The following TBC1D1 variants were observed in gnomAD, a reference collection of about 807,000 sequenced individuals.
The protein encoded by TBC1D1 is TBC1 (tre-2/USP6, BUB2, cdc16) domain family, member 1.
Under a neutral mutation model 125.6 loss-of-function variants are expected in TBC1D1, and 89 were observed. The observed-to-expected ratio is 0.71, with a 90% confidence interval of 0.60 to 0.85. TBC1D1 has a LOEUF of 0.85. Ranked by LOEUF, TBC1D1 falls within the 40% of genes least tolerant of loss-of-function variation. TBC1D1 has a pLI of 0.00. For missense variants in TBC1D1, 1,377 were observed against 1,469.2 expected (o/e 0.94, Z 1.03); for synonymous variants, 565 against 564.1 (o/e 1.00, Z -0.02).
intron 2 of TBC1D1, among the ~76,000 whole-genome samples, chr4:37,910,033 T>A (rs909582605): frequency 1.3e-5 from 2 of 152,204 alleles, no homozygotes; most frequent in South Asian, 4.1e-4. Flanking sequence ...ATTACCTAAT[T>A]TATTTTTGAC....
rs1278147282 is a variant in TBC1D1 at position 38,119,979 on chromosome 4, A to G, written c.2962+1787A>G. 5 of 985,288 alleles carry G rather than the reference A, an allele frequency of 5.1e-6. No homozygotes were observed. In the East Asian group the frequency reaches 4.5e-4, roughly 89 times the overall value. The allele number at this position is 985,288 out of a possible 1,614,324, so 61.0% of individuals were successfully genotyped here. A position where few individuals can be genotyped will look rare whatever the true frequency, so the allele number is the denominator to read the frequency against. On this transcript the variant is annotated intron_variant, in intron 17 of 19. Coordinates refer to ENST00000261439, the MANE Select transcript of TBC1D1 (RefSeq NM_015173.4). ...GAGAAATTTTTCCTTCGGCTCATAA[A>G]TGGGTAAAAAGACGTTAACAAACAA...
chr4:38,097,231 C>T (rs1759502118), intron 14 of TBC1D1, among the ~76,000 whole-genome samples: 1 of 152,130 alleles, frequency 6.6e-6, no homozygotes, highest in Admixed American at 6.5e-5. Context: ...GGCGCGATCT[C>T]AGCTCACTGC....
chr4:37,989,391 A>C (rs1736094454), intron 2 of TBC1D1, among the ~76,000 whole-genome samples: 1 of 152,166 alleles, frequency 6.6e-6, no homozygotes, highest in Non-Finnish European at 1.5e-5. Flanking sequence ...ACCTTTCCAG[A>C]CCAAACCAAT....
rs931579443 is a variant in TBC1D1 at position 38,062,234 on chromosome 4, C to T, written c.2050+7896C>T. On this transcript the variant is annotated intron_variant, in intron 12 of 19. Coordinates refer to ENST00000261439, the MANE Select transcript of TBC1D1 (RefSeq NM_015173.4). ...GTGTTGCTCCCCGCATCTTGATTGC[C>T]CTTGTTTCTTTCCAATCCCGGAAAA... 2.6e-5 allele frequency among the ~76,000 whole-genome samples: 4 copies of T among 151,694 alleles called. No homozygotes were observed. In the East Asian group the frequency reaches 5.8e-4, roughly 22 times the overall value.
intron 2 of TBC1D1, among the ~76,000 whole-genome samples, chr4:37,961,675 A>AGCT: frequency 6.6e-6 from 1 of 152,146 alleles, no homozygotes; most frequent in Admixed American, 6.5e-5. Context: ...CTAGGCCAGG[A>AGCT]GCTGCTATTC....
chr4:38,114,218 A>G (rs1051884165), intron 15 of TBC1D1, among the ~76,000 whole-genome samples: 10 of 152,178 alleles, frequency 6.6e-5, no homozygotes, highest in African/African-American at 2.4e-4. Context: ...TTCTTTGAGC[A>G]CTGGGGAGCT....
chr4:37,944,880 C>T (rs553454292), intron 2 of TBC1D1, among the ~76,000 whole-genome samples: 7 of 152,292 alleles, frequency 4.6e-5, no homozygotes, highest in East Asian at 3.9e-4. Flanking sequence ...GAGATGAACC[C>T]GGTACCTCAT....
At chr4:38,125,209 C>T in intron 18 of TBC1D1, 78 bp downstream of exon 20, 3 of 1,407,544 alleles carry the variant, frequency 2.1e-6, no homozygotes, top group Non-Finnish European at 3.0e-6. Context: ...TGAGCAGGAA[C>T]TGTTTCCTAC....
At chr4:37,991,754 T>G (rs75973053) in intron 2 of TBC1D1, among the ~76,000 whole-genome samples, 6,915 of 152,104 alleles carry the variant, frequency 0.045, 231 homozygotes, top group African/African-American at 0.088. Context: ...AAAAAACCAG[T>G]CCTTACTGGG....
In TBC1D1 at chr4:38,058,141, G is replaced by A. The variant is rs540416193; in HGVS notation, c.2050+3803G>A. 7.9e-5 allele frequency among the ~76,000 whole-genome samples: 12 copies of A among 152,188 alleles called. No homozygotes were observed. The South Asian group carries it at 8.3e-4, about 11-fold the overall frequency. ...TCCTCCGCCCCCTTCCATCCTGACC[G>A]CCTCCCTAATAGTTAGCAGTGGGAC... On this transcript the variant is annotated intron_variant, in intron 12 of 19. Transcript: ENST00000261439.
Position 38,014,434 on chromosome 4 carries a change from A to G in TBC1D1, c.418-75A>G, listed in dbSNP as rs1026597435. Reference sequence around the variant, plus strand: ...GGAGTAGCCAGCGGGGCGTCCCGAAAGAGCATGGTGCATTCATTCCGTGAG... The same window carrying G: ...GGAGTAGCCAGCGGGGCGTCCCGAAGGAGCATGGTGCATTCATTCCGTGAG... On this transcript the variant is annotated intron_variant, in intron 2 of 19. Transcript: ENST00000261439. The surrounding 1 kb of genome is among the most constrained non-coding windows in gnomAD (Gnocchi z 5.1). The G allele has an allele frequency of 2.9e-5, 42 of 1,466,684 alleles. No individual in the cohort carries two copies. Among genetic ancestry groups the G allele is most frequent in the Admixed American group, 2.3e-4 (13 of 57,458 alleles). 90.9% of individuals were successfully genotyped at this position (1,466,684 alleles called of 1,614,324 possible). A position where few individuals can be genotyped will look rare whatever the true frequency, so the allele number is the denominator to read the frequency against.
rs1763632434 is a variant in TBC1D1 at position 38,120,233 on chromosome 4, G to C, written c.2962+2041G>C. 14 of 589,666 alleles carry C rather than the reference G, an allele frequency of 2.4e-5. 1 individual carries two copies. Among genetic ancestry groups the C allele is most frequent in the Non-Finnish European group, 3.0e-5 (14 of 468,422 alleles). The allele number at this position is 589,666 out of a possible 1,614,324, so 36.5% of individuals were successfully genotyped here. A position where few individuals can be genotyped will look rare whatever the true frequency, so the allele number is the denominator to read the frequency against. ...CACAGACTCCTGCTGTGCTAAGTGG[G>C]TCGTTGTCCAGCTGGCCAAGGGCTC... On this transcript the variant is annotated intron_variant, in intron 17 of 19. Coordinates refer to ENST00000261439, the MANE Select transcript of TBC1D1 (RefSeq NM_015173.4).
intron 13 of TBC1D1, among the ~76,000 whole-genome samples, chr4:38,094,807 C>T (rs938378476): frequency 3.3e-5 from 5 of 151,094 alleles, no homozygotes; most frequent in Non-Finnish European, 7.4e-5. Flanking sequence ...AAGGCTAGCC[C>T]CAAACCTGAT....
chr4:38,014,711 G>T lies in TBC1D1; in HGVS notation c.620G>T (p.Arg207Leu), dbSNP rs753990550. 1 of 1,612,432 alleles carries T rather than the reference G, an allele frequency of 6.2e-7. No homozygotes were observed. The highest frequency in any genetic ancestry group is 8.5e-7 in the Non-Finnish European group (1 of 1,179,790). ...AAGTTCAATCACGTCAGCGGCAGCC[G>T]GGGGTCCGAGAGCCCCCGCCCCAAC... Residue 207 changes from arginine (R) to leucine (L), a missense_variant, in exon 3 of 20, where the codon CGG becomes CTG. Arg to Leu is a moderately radical substitution (Grantham distance 102, BLOSUM62 -2). Around this residue, in one of 3 missense-constraint regions of TBC1D1, gnomAD observed 822 missense variants for 824.6 expected, o/e 1.00. Transcript: ENST00000261439. This position sits in a 1 kb window ranked among gnomAD's most constrained non-coding sequence, Gnocchi z 5.1.
chr4:37,928,805 A>T (rs964645993), intron 2 of TBC1D1, among the ~76,000 whole-genome samples: 5 of 152,256 alleles, frequency 3.3e-5, no homozygotes, highest in Non-Finnish European at 7.3e-5. Context: ...GCAGAAACGG[A>T]TGCCGTTATA....
chr4:37,998,950 A>G (rs139543612), intron 2 of TBC1D1, among the ~76,000 whole-genome samples: 66 of 152,248 alleles, frequency 4.3e-4, no homozygotes, highest in African/African-American at 1.3e-3. Flanking sequence ...TAAAGTTAGA[A>G]AGTGAAGGCT....
chr4:38,088,536 A>G (rs1172499170), intron 12 of TBC1D1, among the ~76,000 whole-genome samples: 1 of 152,226 alleles, frequency 6.6e-6, no homozygotes. Flanking sequence ...AACCCTTGTC[A>G]ACAAGGCAGC....
intron 2 of TBC1D1, among the ~76,000 whole-genome samples, chr4:37,929,415 C>T (rs770886220): frequency 6.6e-6 from 1 of 152,144 alleles, no homozygotes. Context: ...ATTTAGCAAC[C>T]GCTGTACTCC....
At chr4:37,996,867 A>G (rs1737917365) in intron 2 of TBC1D1, among the ~76,000 whole-genome samples, 1 of 152,234 alleles carries the variant, frequency 6.6e-6, no homozygotes, top group Admixed American at 6.5e-5. Flanking sequence ...TGGCACAAGC[A>G]AGGACTGAGA....
Sources: gnomAD v4.1 joint callset for allele counts (sites outside exome capture counted in the v4.1 genomes callset) on GRCh38, gnomAD v4.1.1 for gene constraint, gnomAD v4.1.1 regional missense constraint, Gnocchi (gnomAD v3.1) non-coding constraint, MANE v1.5 for transcripts, NCBI Gene and HGNC (gene_info 2026-07-23, HGNC 2026-07-21) for gene names.